Variants in SOS1 observed in about 807,000 individuals in gnomAD.
SOS1 encodes the protein SOS Ras/Rac guanine nucleotide exchange factor 1.
In SOS1, 25 loss-of-function variants were observed where a neutral mutation model predicts 157.6. The ratio of observed to expected loss-of-function variants is 0.16; its 90% CI spans 0.12 to 0.22. SOS1 has a LOEUF of 0.22. SOS1 is among the 10% of genes least tolerant of loss of function. SOS1 has a pLI of 1.00. For missense variants in SOS1, 1,237 were observed against 1,599.1 expected (o/e 0.77, Z 3.86); for synonymous variants, 528 against 534.0 (o/e 0.99, Z 0.16).
At chr2:38,989,460 ACTT>A (rs1202961324) in intron 20 of SOS1, 146 bp from the exon 21 acceptor site, 1 of 599,328 alleles carries the variant, frequency 1.7e-6, no homozygotes, top group African/African-American at 1.9e-5. Flanking sequence ...CCTCATTACT[ACTT>A]ACTTTTGAGA....
At chr2:39,048,018 T>G (rs183010293) in intron 6 of SOS1, among the ~76,000 whole-genome samples, 3 of 152,356 alleles carry the variant, frequency 2.0e-5, no homozygotes, top group Admixed American at 2.0e-4. Context: ...CTATGCATAT[T>G]ACAAATATTA....
chr2:39,057,480 C>T (rs575960316), intron 3 of SOS1, among the ~76,000 whole-genome samples: 15 of 151,962 alleles, frequency 9.9e-5, no homozygotes, highest in Admixed American at 3.3e-4. Flanking sequence ...TCTGTTCATA[C>T]AGAATAACAA....
chr2:39,022,367 T>C (rs1669825118), intron 10 of SOS1, among the ~76,000 whole-genome samples: 1 of 151,818 alleles, frequency 6.6e-6, no homozygotes, highest in African/African-American at 2.4e-5. Flanking sequence ...CTATAACTGA[T>C]GGTAAGGTTA....
intron 1 of SOS1, among the ~76,000 whole-genome samples, chr2:39,113,927 G>A (rs2148230014): frequency 6.6e-6 from 1 of 152,258 alleles, no homozygotes; most frequent in Middle Eastern, 3.4e-3. Context: ...AAGGTCAGCA[G>A]CCCTTGCTAT....
intron 8 of SOS1, among the ~76,000 whole-genome samples, chr2:39,026,068 A>G (rs1181594798): frequency 1.3e-5 from 2 of 152,180 alleles, no homozygotes; most frequent in South Asian, 2.1e-4. Context: ...AGTAAAAGAA[A>G]AATTTAGGCT....
At chr2:39,068,236 T>A (rs569488678) in intron 1 of SOS1, among the ~76,000 whole-genome samples, 1 of 152,372 alleles carries the variant, frequency 6.6e-6, no homozygotes, top group South Asian at 2.1e-4. Context: ...CATGCTTATA[T>A]GTTCCTGGAG....
intron 9 of SOS1, among the ~76,000 whole-genome samples, chr2:39,023,466 C>A (rs1390608621): frequency 6.6e-6 from 1 of 151,798 alleles, no homozygotes; most frequent in African/African-American, 2.4e-5. Flanking sequence ...AATGTAACTA[C>A]AAAATGATTA....
chr2:39,122,962 A>C (rs1043884689), upstream of SOS1, among the ~76,000 whole-genome samples: 1 of 152,152 alleles, frequency 6.6e-6, no homozygotes, highest in African/African-American at 2.4e-5. Context: ...CATTGCTCTT[A>C]GAATACATTT....
chr2:39,095,065 A>G (rs982949429), intron 1 of SOS1, among the ~76,000 whole-genome samples: 3 of 152,218 alleles, frequency 2.0e-5, no homozygotes, highest in Non-Finnish European at 4.4e-5. Flanking sequence ...CTCAGCTACC[A>G]TAACAGCCAC....
chr2:39,091,573 G>A (rs1409259136), intron 1 of SOS1, among the ~76,000 whole-genome samples: 1 of 150,492 alleles, frequency 6.6e-6, no homozygotes, highest in Admixed American at 6.6e-5. Context: ...CACTCCTATT[G>A]GCATATAAAA....
chr2:39,102,230 A>AAAAAAAAAGG (rs1553370166), intron 1 of SOS1, among the ~76,000 whole-genome samples: 3 of 142,858 alleles, frequency 2.1e-5, no homozygotes, highest in Non-Finnish European at 4.5e-5. Context: ...AAAAAAAAAA[A>AAAAAAAAAGG]GTGCCACTTT....
At chr2:39,045,997 C>G (rs1339924901) in intron 6 of SOS1, among the ~76,000 whole-genome samples, 1 of 152,204 alleles carries the variant, frequency 6.6e-6, no homozygotes, top group Non-Finnish European at 1.5e-5. Context: ...CAGGCATGAG[C>G]CATTGCGCCA....
At chr2:39,113,357 C>T (rs1017757112) in intron 1 of SOS1, among the ~76,000 whole-genome samples, 1 of 137,360 alleles carries the variant, frequency 7.3e-6, no homozygotes, top group Non-Finnish European at 1.6e-5. Context: ...TACCTGTCTT[C>T]TTTTTTTTTT....
chr2:38,988,940 C>G (rs1203792266), intron 21 of SOS1, among the ~76,000 whole-genome samples: 8 of 50,712 alleles, frequency 1.6e-4, no homozygotes, highest in African/African-American at 6.0e-4. Context: ...CATGCATGCT[C>G]TTGCCTTTTT....
intron 1 of SOS1, among the ~76,000 whole-genome samples, chr2:39,108,591 T>C (rs1237466127): frequency 6.6e-6 from 1 of 152,090 alleles, no homozygotes; most frequent in Non-Finnish European, 1.5e-5. Context: ...CCACTTCCAT[T>C]TAAAAAGTCA....
chr2:39,070,775 A>G (rs957559580), intron 1 of SOS1, among the ~76,000 whole-genome samples: 12 of 152,256 alleles, frequency 7.9e-5, no homozygotes, highest in Admixed American at 7.2e-4. Context: ...AAGCCCCAGC[A>G]TCACATAAAC....
At chr2:39,116,592 T>A (rs1172564456) in intron 1 of SOS1, among the ~76,000 whole-genome samples, 2 of 152,218 alleles carry the variant, frequency 1.3e-5, no homozygotes, top group Non-Finnish European at 2.9e-5. Context: ...ACTTATTGGC[T>A]GGGCACAGTG....
chr2:39,055,202 C>T (rs1241159175), intron 4 of SOS1, among the ~76,000 whole-genome samples: 3 of 152,106 alleles, frequency 2.0e-5, no homozygotes, highest in Non-Finnish European at 4.4e-5. Flanking sequence ...ATGTTTATAG[C>T]TGTCTATTCG....
chr2:39,007,244 G>GTT, intron 15 of SOS1, 51 bp from the exon 16 acceptor site: 2 of 1,152,584 alleles, frequency 1.7e-6, no homozygotes, highest in Non-Finnish European at 2.6e-6. Context: ...TTCCAATAAA[G>GTT]TTATAGCTTA....
Sources: gnomAD v4.1 joint callset for allele counts (sites outside exome capture counted in the v4.1 genomes callset) on GRCh38, gnomAD v4.1.1 for gene constraint, MANE v1.5 for transcripts, NCBI Gene and HGNC (gene_info 2026-07-23, HGNC 2026-07-21) for gene names.